Variants in MRPL54 observed in about 807,000 individuals in gnomAD.
MRPL54 encodes large ribosomal subunit protein mL54.
Under a neutral mutation model 15.6 loss-of-function variants are expected in MRPL54, and 12 were observed. The ratio of observed to expected loss-of-function variants is 0.77; its 90% CI spans 0.49 to 1.24. The LOEUF is 1.24. MRPL54 is among the 50% of genes most tolerant of loss of function. The probability of loss-of-function intolerance (pLI) is 0.00; values close to 1 mark genes in which losing one functional copy is unlikely to be tolerated. For missense variants in MRPL54, 178 were observed against 186.8 expected (o/e 0.95, Z 0.28); for synonymous variants, 91 against 75.7 (o/e 1.20, Z -1.05).
At chr19:3,764,858 C>T (rs374576849) in intron 1 of MRPL54, among the ~76,000 whole-genome samples, 133 of 151,860 alleles carry the variant, frequency 8.8e-4, no homozygotes, top group African/African-American at 3.0e-3. Context: ...GAAACCCCGT[C>T]TCTACTAAAA....
chr19:3,766,278 A>G (rs1025402892), intron 2 of MRPL54, among the ~76,000 whole-genome samples: 4 of 151,906 alleles, frequency 2.6e-5, no homozygotes, highest in Non-Finnish European at 5.9e-5. Context: ...GGGTTTCACC[A>G]TGTTTGCCAG....
chr19:3,762,850 C>A, intron 1 of MRPL54, 32 bp downstream of exon 1: 1 of 1,492,960 alleles, frequency 6.7e-7, no homozygotes, highest in Non-Finnish European at 9.1e-7. Flanking sequence ...CAAATGGGGA[C>A]GGTGGGTGCA....
At chr19:3,766,315 G>C (rs565187977) in intron 2 of MRPL54, among the ~76,000 whole-genome samples, 1 of 152,020 alleles carries the variant, frequency 6.6e-6, no homozygotes, top group African/African-American at 2.4e-5. Context: ...TGATAACCTC[G>C]TGATCCGCCT....
At chr19:3,763,888 G>A (rs2037174387) in intron 1 of MRPL54, among the ~76,000 whole-genome samples, 1 of 151,352 alleles carries the variant, frequency 6.6e-6, no homozygotes, top group Non-Finnish European at 1.5e-5. Flanking sequence ...CTCCAGCCTG[G>A]GCGACACAGT....
intron 2 of MRPL54, among the ~76,000 whole-genome samples, chr19:3,766,537 C>G (rs2037199722): frequency 6.6e-6 from 1 of 152,252 alleles, no homozygotes; most frequent in Admixed American, 6.5e-5. Context: ...TGACCACTGA[C>G]TGCATGCCAG....
chr19:3,763,743 C>T (rs1395134059), intron 1 of MRPL54, among the ~76,000 whole-genome samples: 2 of 152,036 alleles, frequency 1.3e-5, no homozygotes, highest in Non-Finnish European at 2.9e-5. Context: ...GAAACCCTAG[C>T]TCTACTAAAA....
intron 1 of MRPL54, among the ~76,000 whole-genome samples, chr19:3,764,574 AT>A (rs1235697182): frequency 3.7e-4 from 53 of 144,210 alleles, no homozygotes; most frequent in Non-Finnish European, 3.2e-4. Context: ...TGCCCAGCTA[AT>A]TTTTTTTTTT....
intron 1 of MRPL54, among the ~76,000 whole-genome samples, chr19:3,764,418 A>AT (rs1475087373): frequency 6.9e-6 from 1 of 144,756 alleles, no homozygotes; most frequent in Non-Finnish European, 1.5e-5. Context: ...TAGATTTTTT[A>AT]TTTTTTTGAG....
At chr19:3,765,422 G>C (rs1437844979) in intron 2 of MRPL54, 91 bp downstream of exon 2, 2 of 1,441,744 alleles carry the variant, frequency 1.4e-6, no homozygotes, top group Non-Finnish European at 1.9e-6. Context: ...CGCCACTCCA[G>C]CCGGAGCCTA....
At position 3,762,729 on chromosome 19, in the gene MRPL54, C is replaced by A; in HGVS notation, c.29C>A (p.Thr10Asn). The stretch of plus-strand genomic sequence containing the variant: ...GCGACCAAACGCCTTTTCGGGGCTA[C>A]CCGGACGTGGGCCGGCTGGGGGGCC... MATKRLFGA[T>N]RTWAGWGAWE... Residue 10 changes from threonine (T) to asparagine (N), a missense_variant, in exon 1 of 3, where the codon ACC (threonine) becomes AAC (asparagine). Thr to Asn is a moderately conservative substitution (Grantham distance 65). Coordinates refer to ENST00000330133, the MANE Select transcript of MRPL54 (RefSeq NM_172251.3). 6.2e-7 allele frequency: 1 copy of A among 1,611,730 alleles called. No individual in the cohort carries two copies. The highest frequency in any genetic ancestry group is 8.5e-7 in the Non-Finnish European group (1 of 1,179,136).
intron 2 of MRPL54, among the ~76,000 whole-genome samples, chr19:3,766,820 CGCACCTGGTGT>C (rs1176147677): frequency 6.6e-6 from 1 of 152,222 alleles, no homozygotes; most frequent in Non-Finnish European, 1.5e-5. Flanking sequence ...GGGGCAGGAC[CGCACCTGGTGT>C]GCTGGAGGAA....
intron 2 of MRPL54, among the ~76,000 whole-genome samples, chr19:3,766,500 C>T (rs1046701760): frequency 6.6e-5 from 10 of 152,226 alleles, no homozygotes; most frequent in African/African-American, 1.9e-4. Context: ...AGGCGTGAGC[C>T]GCCGCACCCG....
intron 2 of MRPL54, among the ~76,000 whole-genome samples, chr19:3,766,833 C>T (rs2037202816): frequency 6.6e-6 from 1 of 152,168 alleles, no homozygotes; most frequent in Non-Finnish European, 1.5e-5. Flanking sequence ...ACCTGGTGTG[C>T]TGGAGGAACA....
Position 3,767,565 on chromosome 19 carries a change from A to T in MRPL54, c.*172A>T. ...ATAAAGAGCTTTCTGGGTAGACCCT[A>T]TTTCCCCTTGGTATTGTCTGGTGTC... On this transcript the variant is annotated 3_prime_UTR_variant, in exon 3 of 3. Transcript: ENST00000330133. The T allele has an allele frequency of 1.1e-6, 1 of 874,658 alleles. No individual in the cohort carries two copies. The highest frequency in any genetic ancestry group is 1.7e-6 in the Non-Finnish European group (1 of 597,882). The allele number at this position is 874,658 out of a possible 1,614,324, so 54.2% of individuals were successfully genotyped here.
chr19:3,765,392 C>T (rs1488796918), intron 2 of MRPL54, 61 bp downstream of exon 2: 13 of 1,562,508 alleles, frequency 8.3e-6, no homozygotes, highest in African/African-American at 1.4e-5. Context: ...CCAGGAGGAC[C>T]CCTTCCCGGA....
intron 2 of MRPL54, 62 bp from the exon 3 acceptor site, chr19:3,767,199 C>T (rs990306850): frequency 3.2e-5 from 49 of 1,552,612 alleles, no homozygotes; most frequent in African/African-American, 9.9e-5. Flanking sequence ...CCGAGGTGCC[C>T]GGGACACCAG....
intron 1 of MRPL54, among the ~76,000 whole-genome samples, chr19:3,764,068 G>C (rs768289956): frequency 2.4e-4 from 37 of 151,902 alleles, no homozygotes; most frequent in Non-Finnish European, 4.9e-4. Flanking sequence ...CCTCCAGCCT[G>C]GGCTTTTATT....
At chr19:3,764,864 T>TA (rs1201442370) in intron 1 of MRPL54, among the ~76,000 whole-genome samples, 4 of 151,694 alleles carry the variant, frequency 2.6e-5, no homozygotes, top group Middle Eastern at 3.4e-3. Flanking sequence ...CCGTCTCTAC[T>TA]AAAAATACAA....
intron 2 of MRPL54, among the ~76,000 whole-genome samples, chr19:3,765,748 A>C (rs1271020596): frequency 6.6e-6 from 1 of 151,806 alleles, no homozygotes; most frequent in East Asian, 2.0e-4. Flanking sequence ...AAATATAAAA[A>C]TTAGCCGGGT....
Sources: gnomAD v4.1 joint callset for allele counts (sites outside exome capture counted in the v4.1 genomes callset) on GRCh38, gnomAD v4.1.1 for gene constraint, MANE v1.5 for transcripts, NCBI Gene and HGNC (gene_info 2026-07-23, HGNC 2026-07-21) for gene names.